The following SPOCK1 variants were observed in gnomAD, a reference collection of about 807,000 sequenced individuals.
SPOCK1 encodes testican-1.
Under a neutral mutation model 55.3 loss-of-function variants are expected in SPOCK1, and 23 were observed. That is an observed-to-expected ratio of 0.42 (90% CI 0.30 to 0.59). SPOCK1 has a LOEUF of 0.59. Ranked by LOEUF, SPOCK1 falls within the 20% of genes least tolerant of loss-of-function variation. The probability of loss-of-function intolerance (pLI) is 0.22; values close to 1 mark genes in which losing one functional copy is unlikely to be tolerated. For synonymous variants in SPOCK1, 226 were observed against 221.0 expected (o/e 1.02, Z -0.20); for missense variants, 499 against 552.5 (o/e 0.90, Z 0.97).
intron 2 of SPOCK1, among the ~76,000 whole-genome samples, chr5:137,296,682 T>A (rs1184780034): frequency 6.6e-6 from 1 of 152,242 alleles, no homozygotes; most frequent in Non-Finnish European, 1.5e-5. Flanking sequence ...TTTAGGGCTT[T>A]CCTCTGGAAG....
intron 6 of SPOCK1, among the ~76,000 whole-genome samples, chr5:137,027,577 AATTTT>A (rs1261970888): frequency 1.3e-5 from 2 of 152,302 alleles, no homozygotes; most frequent in East Asian, 3.9e-4. Flanking sequence ...AGTTTTATTT[AATTTT>A]AATTCATTTT....
chr5:137,384,294 C>A (rs533060970), intron 2 of SPOCK1, among the ~76,000 whole-genome samples: 2 of 152,162 alleles, frequency 1.3e-5, no homozygotes, highest in Non-Finnish European at 2.9e-5. Flanking sequence ...GGGACTCTGC[C>A]CAAAACATTT....
intron 6 of SPOCK1, among the ~76,000 whole-genome samples, chr5:137,024,851 A>G (rs1751641131): frequency 6.6e-6 from 1 of 152,220 alleles, no homozygotes; most frequent in African/African-American, 2.4e-5. Context: ...AGATGTGGAA[A>G]TAACCTAAAT....
At chr5:137,307,167 C>A (rs1370465719) in intron 2 of SPOCK1, among the ~76,000 whole-genome samples, 2 of 152,198 alleles carry the variant, frequency 1.3e-5, no homozygotes, top group African/African-American at 4.8e-5. Flanking sequence ...AGTTTCCACA[C>A]ACTAGGAGAT....
At chr5:137,226,706 C>T (rs1399049655) in intron 3 of SPOCK1, among the ~76,000 whole-genome samples, 1 of 152,242 alleles carries the variant, frequency 6.6e-6, no homozygotes, top group South Asian at 2.1e-4. Context: ...TGGGCCTTTG[C>T]ATAGGTTGTT....
At chr5:137,324,888 C>T (rs1052846099) in intron 2 of SPOCK1, among the ~76,000 whole-genome samples, 8 of 151,388 alleles carry the variant, frequency 5.3e-5, no homozygotes, top group Admixed American at 2.0e-4. Context: ...CCCAAAATTT[C>T]GTTTCCAAAG....
chr5:137,168,758 T>C (rs986961424), intron 3 of SPOCK1, among the ~76,000 whole-genome samples: 2 of 152,146 alleles, frequency 1.3e-5, no homozygotes, highest in African/African-American at 4.8e-5. Flanking sequence ...TTGGTAGGAA[T>C]GTGAATTAGT....
chr5:137,054,357 T>A (rs1752264488), intron 6 of SPOCK1, among the ~76,000 whole-genome samples: 1 of 152,168 alleles, frequency 6.6e-6, no homozygotes, highest in Non-Finnish European at 1.5e-5. Flanking sequence ...TCTCAACAAG[T>A]CTTATCATAT....
intron 2 of SPOCK1, among the ~76,000 whole-genome samples, chr5:137,461,852 C>T (rs1561541911): frequency 6.6e-6 from 1 of 152,202 alleles, no homozygotes; most frequent in Non-Finnish European, 1.5e-5. Context: ...AAACTACCCC[C>T]ATTTCTGTAG....
intron 3 of SPOCK1, among the ~76,000 whole-genome samples, chr5:137,240,027 G>T (rs1054427131): frequency 5.9e-5 from 9 of 152,084 alleles, no homozygotes; most frequent in Non-Finnish European, 8.8e-5. Flanking sequence ...TTAAGTAGTA[G>T]ACCTATGTGA....
chr5:137,143,550 G>C (rs1245179691), intron 3 of SPOCK1, among the ~76,000 whole-genome samples: 1 of 152,124 alleles, frequency 6.6e-6, no homozygotes, highest in African/African-American at 2.4e-5. Flanking sequence ...TAAAAATGGG[G>C]ATAATAACAG....
At chr5:137,008,295 TACACACACAC>T (rs141325417) in intron 6 of SPOCK1, among the ~76,000 whole-genome samples, 33 of 138,320 alleles carry the variant, frequency 2.4e-4, no homozygotes, top group Admixed American at 5.9e-4. Context: ...TAATAATAAA[TACACACACAC>T]ACACACACAC....
intron 2 of SPOCK1, among the ~76,000 whole-genome samples, chr5:137,496,975 G>GA (rs1754311738): frequency 2.6e-5 from 4 of 152,272 alleles, no homozygotes; most frequent in South Asian, 4.1e-4. Context: ...ACATCAACTA[G>GA]AAAAAAGAAG....
chr5:137,379,138 T>TG (rs1241384728), intron 2 of SPOCK1, among the ~76,000 whole-genome samples: 1 of 152,072 alleles, frequency 6.6e-6, no homozygotes, highest in Non-Finnish European at 1.5e-5. Flanking sequence ...TCTACAGGGA[T>TG]GGGGGGATGC....
chr5:137,313,935 A>C (rs190323789), intron 2 of SPOCK1, among the ~76,000 whole-genome samples: 11 of 148,114 alleles, frequency 7.4e-5, no homozygotes, highest in Non-Finnish European at 1.3e-4. Context: ...AGATAAGGAG[A>C]CTCTGGCTAG....
intron 3 of SPOCK1, among the ~76,000 whole-genome samples, chr5:137,245,905 C>T (rs1000446565): frequency 6.6e-6 from 1 of 152,098 alleles, no homozygotes; most frequent in African/African-American, 2.4e-5. Context: ...AGAAGTCCAG[C>T]AAGAAAGATA....
Position 137,063,405 on chromosome 5 carries a change from G to GA in SPOCK1, c.589+4309dup, listed in dbSNP as rs546494577. Among the ~76,000 whole-genome samples, 806 of 123,428 alleles carry GA rather than the reference G, an allele frequency of 6.5e-3. 2 individuals are homozygous for GA. Among genetic ancestry groups the GA allele is most frequent in the East Asian group, 0.03 (132 of 4,368 alleles). The allele number at this position is 123,428 out of a possible 152,430, so 81.0% of individuals were successfully genotyped here. ...CAAAAAAATCTTGGCTTTGACTTCT[G>GA]AAAAAAAAAAAAAACAGATGAAACT... On this transcript the variant is annotated intron_variant, in intron 6 of 10. Transcript: ENST00000394945.
intron 2 of SPOCK1, among the ~76,000 whole-genome samples, chr5:137,487,682 C>A (rs922463385): frequency 6.6e-6 from 1 of 152,166 alleles, no homozygotes; most frequent in African/African-American, 2.4e-5. Context: ...CTTTTGGAGA[C>A]AAATATGCTG....
At chr5:137,200,518 A>C (rs569908709) in intron 3 of SPOCK1, among the ~76,000 whole-genome samples, 2 of 152,318 alleles carry the variant, frequency 1.3e-5, no homozygotes, top group Non-Finnish European at 2.9e-5. Flanking sequence ...CCAGAAAGGC[A>C]GGCATTCCTG....
Sources: allele counts gnomAD v4.1 joint callset (sites outside exome capture counted in the v4.1 genomes callset), GRCh38; gene constraint gnomAD v4.1.1; transcripts MANE v1.5; gene names NCBI Gene and HGNC (gene_info 2026-07-23, HGNC 2026-07-21).